Variants in MAP4 observed in about 807,000 individuals in gnomAD.
The protein encoded by MAP4 is microtubule associated protein 4, also known as microtubule-associated protein 4.
MAP4 carries 76 observed loss-of-function variants against 170.2 expected under a neutral mutation model. The observed-to-expected ratio is 0.45, with a 90% confidence interval of 0.37 to 0.54. MAP4 has a LOEUF of 0.54. Among genes scored for constraint, MAP4 ranks in the 20% least tolerant of loss-of-function variants. MAP4 has a pLI of 0.00. For missense variants in MAP4, 2,506 were observed against 2,748.0 expected (o/e 0.91, Z 1.97); for synonymous variants, 909 against 994.5 (o/e 0.91, Z 1.62).
chr3:47,989,773 T>C (rs1327773679), intron 2 of MAP4, among the ~76,000 whole-genome samples: 1 of 152,220 alleles, frequency 6.6e-6, no homozygotes, highest in Non-Finnish European at 1.5e-5. Context: ...ATACTGCACA[T>C]TACTGGAAAA....
intron 1 of MAP4, among the ~76,000 whole-genome samples, chr3:48,023,688 G>A (rs145054271): frequency 4.6e-5 from 7 of 152,316 alleles, no homozygotes; most frequent in African/African-American, 1.7e-4. Flanking sequence ...TCTGAAGTTG[G>A]CTGTGTTCAA....
intron 2 of MAP4, among the ~76,000 whole-genome samples, 172 bp downstream of exon 2, chr3:47,998,466 G>A (rs759805546): frequency 6.6e-6 from 1 of 152,096 alleles, no homozygotes; most frequent in African/African-American, 2.4e-5. Context: ...ACTCATGAAC[G>A]CTCACTCAAA....
At position 47,910,336 on chromosome 3, in the gene MAP4, C is replaced by A; in HGVS notation, c.4085G>T (p.Arg1362Met). Residue 1362 changes from arginine to methionine, a missense_variant, in exon 9 of 21, where the codon AGG becomes ATG. By Grantham distance (91) the Arg-to-Met change is moderately conservative. Coordinates refer to ENST00000683076, the MANE Select transcript of MAP4 (RefSeq NM_001385682.1). ...CTTTTTACTTTTTCCATCATTACTC[C>A]TTTTACTTGGTTTGTCAGCCACTGC... Reference protein sequence around the residue: ...YTAVADKPSKRSNDGKSKKVK... With the variant: ...YTAVADKPSKMSNDGKSKKVK... The A allele has an allele frequency of 6.5e-7, 1 of 1,545,236 alleles. No homozygotes were observed. Among genetic ancestry groups the A allele is most frequent in the Non-Finnish European group, 8.7e-7 (1 of 1,150,264 alleles).
In MAP4 at chr3:48,074,725, T is replaced by TGTGTGTGTGTGTGG. The variant is rs756153345; in HGVS notation, c.-20+14047_-20+14048insCCACACACACACAC. On this transcript the variant is annotated intron_variant, in intron 1 of 18. Coordinates refer to the MAP4 transcript ENST00000360240. ...GTGTGTGTGTGTGTGTGTGTGTGTG[T>TGTGTGTGTGTGTGG]GATATGTCGGCCAGACTGGTCTCGA... Among the ~76,000 whole-genome samples, 4 of 147,422 alleles carry TGTGTGTGTGTGTGG rather than the reference T, an allele frequency of 2.7e-5. No homozygotes were observed. The East Asian group carries it at 8.1e-4, about 30-fold the overall frequency.
rs779176503 is a variant in MAP4, at chr3:47,910,666, C to G, written c.3755G>C (p.Ser1252Thr). 6.5e-7 allele frequency: 1 copy of G among 1,535,906 alleles called. No individual in the cohort carries two copies. Among genetic ancestry groups the G allele is most frequent in the Non-Finnish European group, 8.7e-7 (1 of 1,146,820 alleles). Residue 1252 changes from serine to threonine, a missense_variant, in exon 9 of 21, where the codon AGT becomes ACT. Ser to Thr is a moderately conservative substitution (Grantham distance 58). Transcript: ENST00000683076. ...PFEGKDGDTG[S>T]IPHKSKEIGF... The stretch of plus-strand genomic sequence containing the variant: ...TATTTCCTTGCTTTTATGGGGAATA[C>G]TACCAGTATCTCCATCCTTCCCTTC...
intron 3 of MAP4, among the ~76,000 whole-genome samples, chr3:47,937,661 T>C (rs1185024598): frequency 1.0e-4 from 15 of 143,324 alleles, no homozygotes; most frequent in South Asian, 2.5e-4. Context: ...TTCTTCTTTT[T>C]TTTTTTTTTT....
chr3:47,994,724 T>G lies in MAP4; in HGVS notation c.223+3914A>C, dbSNP rs559641538. Among the ~76,000 whole-genome samples the G allele has an allele frequency of 2.0e-5, 3 of 152,176 alleles. No individual in the cohort carries two copies. The East Asian group carries it at 5.8e-4, about 29-fold the overall frequency. ...CAGCACTTTGGGAGGCCAAGGCAAG[T>G]GGATCACCTGAGGTCAGGAGTTTGA... On this transcript the variant is annotated intron_variant, in intron 2 of 20. Coordinates refer to ENST00000683076, the MANE Select transcript of MAP4 (RefSeq NM_001385682.1).
At chr3:47,906,755 G>A (rs2100033288) in intron 9 of MAP4, among the ~76,000 whole-genome samples, 2 of 143,836 alleles carry the variant, frequency 1.4e-5, no homozygotes, top group East Asian at 2.0e-4. Flanking sequence ...TATCAAAAAA[G>A]AATGAGTCAT....
At chr3:47,879,378 T>C (rs2096240354) in intron 10 of MAP4, among the ~76,000 whole-genome samples, 1 of 152,126 alleles carries the variant, frequency 6.6e-6, no homozygotes, top group South Asian at 2.1e-4. Flanking sequence ...CAGAACAACG[T>C]TTTTGAGGGA....
chr3:47,853,185 C>A lies in MAP4; in HGVS notation c.6864G>T (p.Leu2288Phe). 1 of 1,587,294 alleles carries A rather than the reference C, an allele frequency of 6.3e-7. No homozygotes were observed. The highest frequency in any genetic ancestry group is 8.6e-7 in the Non-Finnish European group (1 of 1,165,764). Residue 2288 changes from leucine to phenylalanine, a missense_variant, in exon 20 of 21, where the codon TTG becomes TTT. This residue lies in a region of MAP4 where 487 missense variants were observed against 511.6 expected (regional missense o/e 0.95). Coordinates refer to ENST00000683076, the MANE Select transcript of MAP4 (RefSeq NM_001385682.1). The stretch of plus-strand genomic sequence containing the variant: ...TACTTGTCTCCTGGATCTGGCTGTC[C>A]AAGGTCTGGGCCTCCCTTTGGTCAC... ...GGGDQREAQT[L>F]DSQIQETN
At chr3:48,003,083 A>G (rs577280896) in intron 1 of MAP4, among the ~76,000 whole-genome samples, 18 of 152,210 alleles carry the variant, frequency 1.2e-4, no homozygotes, top group African/African-American at 3.9e-4. Flanking sequence ...ACAAGAGCAA[A>G]TTATGTCAAA....
At position 47,909,446 on chromosome 3, in the gene MAP4, T is replaced by A; in HGVS notation, c.4975A>T (p.Thr1659Ser). ...TTTTCACTTTTTGGAGACAAAAGAG[T>A]CAGATCTACCTTCTTATTCAAACTA... Reference protein sequence around the residue: ...SDSLNKKVDLTLLSPKSENDK... With the variant: ...SDSLNKKVDLSLLSPKSENDK... Residue 1659 changes from threonine (T) to serine (S), a missense_variant, in exon 9 of 21, where the codon ACT (threonine) becomes TCT (serine). Around this residue, in one of 3 missense-constraint regions of MAP4, gnomAD observed 2,008 missense variants for 2,206.0 expected, o/e 0.91. Transcript: ENST00000683076. The A allele has an allele frequency of 6.2e-7, 1 of 1,613,690 alleles. No individual in the cohort carries two copies.
chr3:47,956,050 T>C (rs1475962784), intron 3 of MAP4, among the ~76,000 whole-genome samples: 2 of 152,186 alleles, frequency 1.3e-5, no homozygotes, highest in Non-Finnish European at 2.9e-5. Context: ...AGAGACCAAA[T>C]GCCTAACCAT....
intron 13 of MAP4, 49 bp from the exon 14 acceptor site, chr3:47,871,335 G>T: frequency 7.1e-7 from 1 of 1,413,500 alleles, no homozygotes; most frequent in Non-Finnish European, 1.0e-6. Context: ...CTGACCTGTT[G>T]GATAGTTCAT....
chr3:48,018,031 T>C (rs2100108668), upstream of MAP4, among the ~76,000 whole-genome samples: 1 of 152,000 alleles, frequency 6.6e-6, no homozygotes, highest in African/African-American at 2.4e-5. Context: ...CACAATAGGG[T>C]TTGCGCTCCT....
chr3:47,896,734 C>T (rs569503085), intron 10 of MAP4, among the ~76,000 whole-genome samples: 13 of 152,232 alleles, frequency 8.5e-5, no homozygotes, highest in African/African-American at 3.1e-4. Context: ...CTACTACTCA[C>T]AAGAAACAAC....
intron 3 of MAP4, among the ~76,000 whole-genome samples, chr3:47,963,690 C>T (rs2100073050): frequency 6.6e-6 from 1 of 152,186 alleles, no homozygotes; most frequent in Non-Finnish European, 1.5e-5. Flanking sequence ...AGACAGTGTT[C>T]TAGGTGCTGG....
At chr3:48,022,048 C>A (rs1156755430) in intron 1 of MAP4, among the ~76,000 whole-genome samples, 1 of 152,150 alleles carries the variant, frequency 6.6e-6, no homozygotes, top group East Asian at 1.9e-4. Flanking sequence ...GAACCACATG[C>A]ATATGGATAC....
At position 47,936,046 on chromosome 3, in the gene MAP4, C is replaced by T. The variant is rs548679103; in HGVS notation, c.293-7696G>A. On this transcript the variant is annotated intron_variant, in intron 3 of 20. Transcript: ENST00000683076. ...CTGCCAGTGGCCATCTTTCTCAACC[C>T]TGAAAGACACTGCCTAAGAATGAAG... is the stretch of plus-strand genomic sequence containing the variant. 3.3e-5 allele frequency among the ~76,000 whole-genome samples: 5 copies of T among 151,608 alleles called. No individual in the cohort carries two copies. In the South Asian group the frequency reaches 1.0e-3, roughly 32 times the overall value.
Sources: allele counts gnomAD v4.1 joint callset (sites outside exome capture counted in the v4.1 genomes callset), GRCh38; gene constraint gnomAD v4.1.1; regional missense constraint gnomAD v4.1.1; transcripts MANE v1.5; gene names NCBI Gene and HGNC (gene_info 2026-07-23, HGNC 2026-07-21).